Variants in FYN observed in about 807,000 individuals in gnomAD.
FYN encodes the protein FYN proto-oncogene, Src family tyrosine kinase.
A neutral mutation model predicts 70.2 loss-of-function variants in FYN; 10 were observed. The observed-to-expected ratio is 0.14, with a 90% confidence interval of 0.09 to 0.24. The LOEUF (loss-of-function observed/expected upper bound fraction) is 0.24. Ranked by LOEUF, FYN falls within the 10% of genes least tolerant of loss-of-function variation. FYN has a pLI of 1.00. For synonymous variants in FYN, 236 were observed against 248.6 expected, an observed-to-expected ratio of 0.95 and a Z score of 0.48; for missense variants, 319 against 673.1, an observed-to-expected ratio of 0.47 and a Z score of 5.82.
intron 2 of FYN, among the ~76,000 whole-genome samples, chr6:111,829,415 G>T (rs1029834036): frequency 2.0e-5 from 3 of 152,158 alleles, no homozygotes; most frequent in African/African-American, 7.2e-5. Context: ...AGTACCAAGG[G>T]CTATTCAAAA....
intron 2 of FYN, among the ~76,000 whole-genome samples, chr6:111,783,197 AC>A (rs1418306474): frequency 2.0e-5 from 3 of 152,152 alleles, no homozygotes; most frequent in Admixed American, 1.3e-4. Context: ...GAGCATAATG[AC>A]TTTCTCCACT....
chr6:111,792,246 T>C (rs1771650738), intron 2 of FYN, among the ~76,000 whole-genome samples: 1 of 152,224 alleles, frequency 6.6e-6, no homozygotes, highest in African/African-American at 2.4e-5. Flanking sequence ...TATAAAAAGA[T>C]GCTCTAATTC....
chr6:111,798,563 C>G (rs987368322), intron 2 of FYN: 2 of 152,210 alleles, frequency 1.3e-5, no homozygotes, highest in Admixed American at 6.5e-5. Context: ...GACATTTGTC[C>G]TACATACCCT....
intron 2 of FYN, among the ~76,000 whole-genome samples, chr6:111,789,432 A>C (rs1022511120): frequency 1.3e-5 from 2 of 152,228 alleles, no homozygotes; most frequent in African/African-American, 4.8e-5. Context: ...CAATAGTAGT[A>C]GTAGCAGCAG....
chr6:111,838,000 C>T (rs908832664), intron 2 of FYN, among the ~76,000 whole-genome samples: 4 of 152,166 alleles, frequency 2.6e-5, no homozygotes, highest in South Asian at 2.1e-4. Flanking sequence ...ACTTAATGAA[C>T]GCCCCTAGAT....
At chr6:111,799,975 C>T (rs1771932521) in intron 2 of FYN, among the ~76,000 whole-genome samples, 2 of 152,172 alleles carry the variant, frequency 1.3e-5, no homozygotes, top group Non-Finnish European at 2.9e-5. Context: ...CAAATGGTAA[C>T]CGGCAGGGTT....
chr6:111,773,643 G>A (rs373528605), intron 3 of FYN, among the ~76,000 whole-genome samples: 5 of 55,604 alleles, frequency 9.0e-5, no homozygotes, highest in African/African-American at 4.0e-4. Context: ...GGGGGAGGGG[G>A]AGGGAGAGGG....
chr6:111,827,221 T>C (rs1772864392), intron 2 of FYN, among the ~76,000 whole-genome samples: 1 of 152,204 alleles, frequency 6.6e-6, no homozygotes, highest in African/African-American at 2.4e-5. Flanking sequence ...CATCTAAGGA[T>C]CTCAGAGAGC....
chr6:111,868,939 C>T (rs73533712), intron 1 of FYN, among the ~76,000 whole-genome samples: 2 of 152,132 alleles, frequency 1.3e-5, no homozygotes, highest in African/African-American at 4.8e-5. Context: ...TCTAGTAGAC[C>T]GTGAACTTCT....
intron 3 of FYN, among the ~76,000 whole-genome samples, chr6:111,779,537 A>G (rs1488395076): frequency 2.0e-5 from 3 of 152,162 alleles, no homozygotes; most frequent in Non-Finnish European, 2.9e-5. Flanking sequence ...AGCTCAAACA[A>G]GGTGACCTCA....
intron 2 of FYN, among the ~76,000 whole-genome samples, chr6:111,790,238 A>G (rs1456483706): frequency 8.0e-6 from 1 of 124,722 alleles, no homozygotes; most frequent in Non-Finnish European, 1.6e-5. Context: ...GGTAGTTCTG[A>G]ACCTTAGATA....
At chr6:111,782,249 A>G (rs192324452) in intron 2 of FYN, among the ~76,000 whole-genome samples, 193 of 152,312 alleles carry the variant, frequency 1.3e-3, no homozygotes, top group African/African-American at 4.4e-3. Context: ...TTAAGTTGTC[A>G]GGGAAGGTCC....
At chr6:111,685,346 C>T (rs2237259) in intron 12 of FYN, among the ~76,000 whole-genome samples, 57,401 of 152,112 alleles carry the variant, frequency 0.38, 11,773 homozygotes, top group Middle Eastern at 0.5. Context: ...TTGGAGGTCA[C>T]GGGGTTTGAC....
intron 13 of FYN, among the ~76,000 whole-genome samples, chr6:111,669,801 T>C (rs1394569412): frequency 6.6e-6 from 1 of 152,094 alleles, no homozygotes; most frequent in Admixed American, 6.6e-5. Context: ...CAGTCTACTA[T>C]GGGGTGGACC....
intron 3 of FYN, among the ~76,000 whole-genome samples, chr6:111,729,090 A>G (rs981668136): frequency 6.6e-6 from 1 of 152,234 alleles, no homozygotes; most frequent in South Asian, 2.1e-4. Context: ...CTTGAAATGA[A>G]TATGACTCTC....
chr6:111,844,635 G>A (rs1449322171), intron 2 of FYN: 1 of 152,186 alleles, frequency 6.6e-6, no homozygotes, highest in African/African-American at 2.4e-5. Context: ...CTCCATCCAA[G>A]CAGCATTTCT....
intron 2 of FYN, among the ~76,000 whole-genome samples, chr6:111,808,858 G>A (rs1049363455): frequency 2.0e-4 from 30 of 152,138 alleles, no homozygotes; most frequent in Admixed American, 1.8e-3. Context: ...CAGAGAAGTC[G>A]TTCAACAATA....
chr6:111,767,905 A>G (rs1353827567), intron 3 of FYN, among the ~76,000 whole-genome samples: 1 of 152,178 alleles, frequency 6.6e-6, no homozygotes. Flanking sequence ...CTTAAAACTA[A>G]TGAGGGTGTA....
intron 2 of FYN, among the ~76,000 whole-genome samples, chr6:111,797,413 C>T (rs982566694): frequency 6.6e-6 from 1 of 151,358 alleles, no homozygotes; most frequent in African/African-American, 2.4e-5. Flanking sequence ...ATATTTTCAC[C>T]AAACCTAGTA....
Sources: allele counts gnomAD v4.1 joint callset (sites outside exome capture counted in the v4.1 genomes callset), GRCh38; gene constraint gnomAD v4.1.1; transcripts MANE v1.5; gene names NCBI Gene and HGNC (gene_info 2026-07-23, HGNC 2026-07-21).